The following COL16A1 variants were observed in gnomAD, a reference collection of about 807,000 sequenced individuals.
COL16A1 encodes the protein collagen alpha-1(XVI) chain.
COL16A1 carries 189 observed loss-of-function variants against 266.3 expected under a neutral mutation model. The ratio of observed to expected loss-of-function variants is 0.71; its 90% CI spans 0.63 to 0.80. The LOEUF is 0.80. Ranked by LOEUF, COL16A1 falls within the 30% of genes least tolerant of loss-of-function variation. COL16A1 has a pLI of 0.00. For synonymous variants in COL16A1, 740 were observed against 782.3 expected (o/e 0.95, Z 0.90); for missense variants, 1,928 against 2,122.4 (o/e 0.91, Z 1.80).
At chr1:31,655,736 GCACT>G in intron 66 of COL16A1, 2 of 673,582 alleles carry the variant, frequency 3.0e-6, no homozygotes, top group Non-Finnish European at 4.7e-6. Context: ...TCAGGATAAA[GCACT>G]CATTCGTTGG....
intron 56 of COL16A1, 49 bp downstream of exon 56, chr1:31,665,123 A>T: frequency 6.3e-7 from 1 of 1,595,818 alleles, no homozygotes; most frequent in East Asian, 2.3e-5. Flanking sequence ...GGGGCATGGG[A>T]GCTGCATGGC....
intron 12 of COL16A1, among the ~76,000 whole-genome samples, chr1:31,693,473 GAC>G (rs1328705222): frequency 6.6e-6 from 1 of 152,186 alleles, no homozygotes; most frequent in Non-Finnish European, 1.5e-5. Context: ...GAGGCATATG[GAC>G]ACACACATGC....
At position 31,697,318 on chromosome 1, in the gene COL16A1, A is replaced by T. The variant is rs763523076; in HGVS notation, c.658-18T>A. 3.1e-6 allele frequency: 5 copies of T among 1,592,250 alleles called. No homozygotes were observed. The South Asian group carries it at 3.4e-5, about 11-fold the overall frequency. On this transcript the variant is annotated intron_variant, in intron 6 of 70. Coordinates refer to ENST00000373672, the MANE Select transcript of COL16A1 (RefSeq NM_001856.4). This position sits in a 1 kb window ranked among gnomAD's most constrained non-coding sequence, Gnocchi z 4.2. ...AGGTCAAACTGCAGGAGACACACAC[A>T]TCAATTTCACTTCATTTTATCAAAT...
chr1:31,678,830 A>G (rs1054503344), intron 42 of COL16A1, among the ~76,000 whole-genome samples: 2 of 152,212 alleles, frequency 1.3e-5, no homozygotes, highest in Admixed American at 1.3e-4. Flanking sequence ...AGCACATGGC[A>G]GAGCCGGGAT....
chr1:31,683,714 C>G lies in COL16A1; in HGVS notation c.2372G>C (p.Gly791Ala), dbSNP rs1184593167. 1.2e-6 allele frequency: 2 copies of G among 1,614,114 alleles called. No individual in the cohort carries two copies. The highest frequency in any genetic ancestry group is 1.7e-6 in the Non-Finnish European group (2 of 1,180,002). ...GCAGGGCTAGAGACTCACCTGGGGT[C>G]CCTGGACTCCCCTTCCTGGAGGCCC... ...EPGPPGRGVQ[G>A]PQGEPGAPGL... The change falls in exon 34 of 71, where the codon GGA (glycine) becomes GCA (alanine). Residue 791 changes from glycine (G) to alanine (A), a missense_variant. Transcript: ENST00000373672.
Position 31,685,524 on chromosome 1 carries a change from C to A in COL16A1, c.2016+115G>T. On this transcript the variant is annotated intron_variant, in intron 29 of 70. Coordinates refer to ENST00000373672, the MANE Select transcript of COL16A1 (RefSeq NM_001856.4). This position sits in a 1 kb window ranked among gnomAD's most constrained non-coding sequence, Gnocchi z 4.0. ...ACAGAGGCTCTGACCCCGCCACACC[C>A]TCCCCACTACCCCCAACTGCCCAGG... The A allele has an allele frequency of 7.8e-7, 1 of 1,283,814 alleles. No homozygotes were observed. The allele number at this position is 1,283,814 out of a possible 1,614,324, so 79.5% of individuals were successfully genotyped here.
intron 13 of COL16A1, 51 bp from the exon 14 acceptor site, chr1:31,692,859 C>A (rs1644335490): frequency 6.4e-7 from 1 of 1,555,584 alleles, no homozygotes. Flanking sequence ...GGGAAGTCCC[C>A]TAGATGTGTT....
At chr1:31,691,667 G>A (rs750708991) in intron 17 of COL16A1, 25 bp from the exon 18 acceptor site, 7 of 1,610,328 alleles carry the variant, frequency 4.3e-6, no homozygotes, top group Non-Finnish European at 8.5e-7. Flanking sequence ...GGGGGAGGGT[G>A]TACAAACAGC....
intron 42 of COL16A1, among the ~76,000 whole-genome samples, chr1:31,675,845 TAG>T (rs951693309): frequency 2.0e-5 from 3 of 152,046 alleles, no homozygotes; most frequent in African/African-American, 7.2e-5. Context: ...GTGTTTATTA[TAG>T]AGACCAGGTC....
intron 2 of COL16A1, among the ~76,000 whole-genome samples, chr1:31,700,611 T>G (rs968522718): frequency 3.9e-5 from 6 of 152,234 alleles, no homozygotes; most frequent in African/African-American, 1.4e-4. Flanking sequence ...TATATGTACG[T>G]GTCTGTACAT....
intron 26 of COL16A1, 141 bp from the exon 27 acceptor site, chr1:31,686,420 C>A: frequency 8.7e-7 from 1 of 1,152,374 alleles, no homozygotes; most frequent in Non-Finnish European, 1.3e-6. Flanking sequence ...GGGCTTTCTC[C>A]AAGGTCCCCA....
At chr1:31,654,967 G>GT in intron 67 of COL16A1, 109 bp from the exon 68 acceptor site, 1 of 384,124 alleles carries the variant, frequency 2.6e-6, no homozygotes. Context: ...GCCTCCCACA[G>GT]ATTCTTTTTT....
rs201657074 is a variant in COL16A1 at position 31,699,929 on chromosome 1, G to A, written c.150C>T (p.Gly50=). Reference sequence around the variant, plus strand: ...GGCTGAGTCGGTGGATGAGGTTGAAGCCTTTGGGGGAGACATCAGGTGAAG... The same window carrying A: ...GGCTGAGTCGGTGGATGAGGTTGAAACCTTTGGGGGAGACATCAGGTGAAG... The part of the protein sequence containing the change: ...HSSSLPANVT[G]FNLIHRLSLM... Residue 50 remains glycine (G), a splice_region_variant and synonymous_variant, in exon 4 of 71, where the codon GGC becomes GGT. Transcript: ENST00000373672. 1.1e-4 allele frequency: 177 copies of A among 1,609,834 alleles called. 2 individuals carry two copies. Among genetic ancestry groups the A allele is most frequent in the Middle Eastern group, 6.6e-4 (4 of 6,078 alleles).
At chr1:31,686,582 A>C (rs922687121) in intron 26 of COL16A1, among the ~76,000 whole-genome samples, 6 of 152,250 alleles carry the variant, frequency 3.9e-5, no homozygotes, top group African/African-American at 1.4e-4. Context: ...TTACAGGCGG[A>C]GCACTGGGCT....
Position 31,684,741 on chromosome 1 carries a change from T to C in COL16A1, c.2052+80A>G, listed in dbSNP as rs987827108. On this transcript the variant is annotated intron_variant, in intron 30 of 70. Transcript: ENST00000373672. ...TTTGCCGGGGCTGAGGGTTGGGGGC[T>C]AGGGAGGGAGGAAAATGAGGCAAGG... is the stretch of plus-strand genomic sequence containing the variant. 2.9e-5 allele frequency: 47 copies of C among 1,611,266 alleles called. No homozygotes were observed. In the East Asian group the frequency reaches 5.6e-4, roughly 19 times the overall value.
At chr1:31,680,459 GC>G (rs926383962) in intron 39 of COL16A1, among the ~76,000 whole-genome samples, 1 of 152,128 alleles carries the variant, frequency 6.6e-6, no homozygotes, top group Admixed American at 6.5e-5. Flanking sequence ...TACAACTGCA[GC>G]CCCACTCCTC....
Position 31,697,508 on chromosome 1 carries a change from A to G in COL16A1, c.658-208T>C, listed in dbSNP as rs1420444865. ...CGAGGGAGAGGAGGCCCAGAGGAAC[A>G]AAAGAGGAGGAGGTTCCATTCATGC... On this transcript the variant is annotated intron_variant, in intron 6 of 70. Coordinates refer to ENST00000373672, the MANE Select transcript of COL16A1 (RefSeq NM_001856.4). The surrounding 1 kb of genome is among the most constrained non-coding windows in gnomAD (Gnocchi z 4.2). Among the ~76,000 whole-genome samples, 1 of 152,188 alleles carries G rather than the reference A, an allele frequency of 6.6e-6. No homozygotes were observed. The highest frequency in any genetic ancestry group is 2.4e-5 in the African/African-American group (1 of 41,448).
At chr1:31,686,975 TGG>T (rs2148787495) in intron 26 of COL16A1, among the ~76,000 whole-genome samples, 1 of 152,140 alleles carries the variant, frequency 6.6e-6, no homozygotes, top group South Asian at 2.1e-4. Flanking sequence ...TTGGGAAGGA[TGG>T]GGGCTGGGGC....
chr1:31,698,724 C>T lies in COL16A1; in HGVS notation c.267-118G>A. On this transcript the variant is annotated intron_variant, in intron 4 of 70. Transcript: ENST00000373672. This position sits in a 1 kb window ranked among gnomAD's most constrained non-coding sequence, Gnocchi z 4.1. ...ACATCCACAGGCACACATCTTCCAT[C>T]ATATACATTCATTCACTCTCCATAC... The T allele has an allele frequency of 6.8e-7, 1 of 1,465,362 alleles. No homozygotes were observed. Among genetic ancestry groups the T allele is most frequent in the Admixed American group, 2.1e-5 (1 of 47,716 alleles). The allele number at this position is 1,465,362 out of a possible 1,614,324, so 90.8% of individuals were successfully genotyped here.
Sources: gnomAD v4.1 joint callset for allele counts (sites outside exome capture counted in the v4.1 genomes callset) on GRCh38, gnomAD v4.1.1 for gene constraint, Gnocchi (gnomAD v3.1) non-coding constraint, MANE v1.5 for transcripts, NCBI Gene and HGNC (gene_info 2026-07-23, HGNC 2026-07-21) for gene names.